Variants in IGF1 observed in about 807,000 individuals in gnomAD.
IGF1 encodes insulin like growth factor 1.
Under a neutral mutation model 13.8 loss-of-function variants are expected in IGF1, and 4 were observed. The ratio of observed to expected loss-of-function variants is 0.29; its 90% confidence interval spans 0.14 to 0.66. IGF1 has a LOEUF of 0.66. IGF1 is among the 30% of genes least tolerant of loss of function. The pLI is 0.78. For synonymous variants in IGF1, 76 were observed against 72.6 expected (o/e 1.05, Z -0.23); for missense variants, 124 against 188.5 (o/e 0.66, Z 2.00).
chr12:102,404,428 T>C (rs908373271), intron 3 of IGF1, among the ~76,000 whole-genome samples: 9 of 152,226 alleles, frequency 5.9e-5, no homozygotes, highest in African/African-American at 1.7e-4. Context: ...GTTTTCCGGT[T>C]CTACTTGGAA....
chr12:102,445,627 A>G (rs1878244253), intron 2 of IGF1, among the ~76,000 whole-genome samples: 1 of 152,218 alleles, frequency 6.6e-6, no homozygotes, highest in Non-Finnish European at 1.5e-5. Context: ...CAGCTTAAGG[A>G]GATTTGGGGC....
intron 2 of IGF1, among the ~76,000 whole-genome samples, chr12:102,471,815 C>G (rs1009123262): frequency 6.6e-6 from 1 of 152,136 alleles, no homozygotes; most frequent in Non-Finnish European, 1.5e-5. Context: ...TTAATTGAAA[C>G]CATCCAAGAT....
rs1282576962 is a variant in IGF1, at chr12:102,397,988, A to G, written c.*4519T>C. The G allele has an allele frequency of 1.3e-5, 2 of 151,736 alleles. No individual in the cohort carries two copies. The highest frequency in any genetic ancestry group is 4.8e-5 in the African/African-American group (2 of 41,320). 9.4% of individuals were successfully genotyped at this position (151,736 alleles called of 1,614,324 possible). A position where few individuals can be genotyped will look rare whatever the true frequency, so the allele number is the denominator to read the frequency against. On this transcript the variant is annotated 3_prime_UTR_variant, in exon 4 of 4. Transcript: ENST00000337514. ...TCTAGCCTATAGTTTTAAAGAGTCT[A>G]TGTGGGTTTAACTTATTATTCCTCA...
At chr12:102,469,141 C>T (rs1441133730) in intron 2 of IGF1, among the ~76,000 whole-genome samples, 1 of 152,196 alleles carries the variant, frequency 6.6e-6, no homozygotes, top group Non-Finnish European at 1.5e-5. Flanking sequence ...AGGTGGCGGT[C>T]TTGCATCCCA....
chr12:102,401,438 T>C lies in IGF1; in HGVS notation c.*1069A>G, dbSNP rs1412536926. ...AGTGGACTTTTGTGTCTGAAGTTCC[T>C]CTTGGAAGGCATAACTGGGGGGACT... is the stretch of plus-strand genomic sequence containing the variant. On this transcript the variant is annotated 3_prime_UTR_variant, in exon 4 of 4. Coordinates refer to ENST00000337514, the MANE Select transcript of IGF1 (RefSeq NM_000618.5). 6.6e-6 allele frequency: 1 copy of C among 152,662 alleles called. No individual in the cohort carries two copies. The highest frequency in any genetic ancestry group is 6.5e-5 in the Admixed American group (1 of 15,278). 9.5% of individuals were successfully genotyped at this position (152,662 alleles called of 1,614,324 possible). A position where few individuals can be genotyped will look rare whatever the true frequency, so the allele number is the denominator to read the frequency against.
rs1057235891 is a variant in IGF1 at position 102,401,918 on chromosome 12, G to A, written c.*589C>T. 6.6e-6 allele frequency: 1 copy of A among 152,642 alleles called. No individual in the cohort carries two copies. 9.5% of individuals were successfully genotyped at this position (152,642 alleles called of 1,614,324 possible). A position where few individuals can be genotyped will look rare whatever the true frequency, so the allele number is the denominator to read the frequency against. ...ACTTATATTTGGTACAAATGCCACA[G>A]ATGGAATCTTGTGGGTTAGAATTGG... On this transcript the variant is annotated 3_prime_UTR_variant, in exon 4 of 4. Transcript: ENST00000337514.
chr12:102,423,917 A>G (rs1403948862), intron 2 of IGF1, among the ~76,000 whole-genome samples: 4 of 151,942 alleles, frequency 2.6e-5, no homozygotes, highest in Non-Finnish European at 5.9e-5. Flanking sequence ...AAATGGTACT[A>G]CCTCCTCTAC....
At chr12:102,466,022 T>C (rs1341042280) in intron 2 of IGF1, among the ~76,000 whole-genome samples, 3 of 152,034 alleles carry the variant, frequency 2.0e-5, no homozygotes, top group African/African-American at 7.2e-5. Flanking sequence ...CTCCAGGTGG[T>C]CTCAATCAAA....
intron 2 of IGF1, among the ~76,000 whole-genome samples, chr12:102,475,212 A>T (rs972243445): frequency 1.3e-5 from 2 of 152,080 alleles, no homozygotes; most frequent in Non-Finnish European, 2.9e-5. Context: ...CCAGATCCAC[A>T]TGACTGGAGA....
chr12:102,445,148 T>C (rs1878204335), intron 2 of IGF1, among the ~76,000 whole-genome samples: 1 of 151,674 alleles, frequency 6.6e-6, no homozygotes, highest in Admixed American at 6.6e-5. Flanking sequence ...AGACTTGTAG[T>C]ATAGTTTGAA....
intron 2 of IGF1, among the ~76,000 whole-genome samples, chr12:102,448,691 A>T (rs1239347412): frequency 0.012 from 50 of 4,296 alleles, no homozygotes; most frequent in African/African-American, 0.029. Flanking sequence ...GAGTATAATA[A>T]AAAAAAAAAA....
At chr12:102,424,377 C>T (rs1876021821) in intron 2 of IGF1, among the ~76,000 whole-genome samples, 1 of 151,974 alleles carries the variant, frequency 6.6e-6, no homozygotes, top group Non-Finnish European at 1.5e-5. Context: ...AATGAACCTG[C>T]ATTTCACTTA....
At chr12:102,453,778 G>A (rs1390127688) in intron 2 of IGF1, among the ~76,000 whole-genome samples, 1 of 152,200 alleles carries the variant, frequency 6.6e-6, no homozygotes, top group East Asian at 1.9e-4. Flanking sequence ...CAGGTACCAT[G>A]CGTGCTTGAG....
intron 2 of IGF1, among the ~76,000 whole-genome samples, chr12:102,428,648 T>C (rs1346313178): frequency 3.3e-5 from 5 of 152,264 alleles, no homozygotes; most frequent in Admixed American, 2.6e-4. Flanking sequence ...CTAATAATCC[T>C]TGGGCATGGC....
intron 2 of IGF1, among the ~76,000 whole-genome samples, chr12:102,428,946 C>A (rs1421894321): frequency 1.3e-5 from 2 of 152,172 alleles, no homozygotes; most frequent in Non-Finnish European, 2.9e-5. Context: ...GACAGGACAT[C>A]ATCTATGCCA....
chr12:102,446,222 T>C (rs183040762), intron 2 of IGF1, among the ~76,000 whole-genome samples: 4 of 152,374 alleles, frequency 2.6e-5, no homozygotes, highest in Admixed American at 2.6e-4. Context: ...GGTGTCAGGA[T>C]GATGCTGACC....
intron 3 of IGF1, among the ~76,000 whole-genome samples, chr12:102,408,856 C>T (rs988000537): frequency 6.6e-6 from 1 of 152,214 alleles, no homozygotes; most frequent in Non-Finnish European, 1.5e-5. Flanking sequence ...CTCTCTCTCT[C>T]CTTCCCTTGG....
rs1350550461 is a variant in IGF1 at position 102,475,758 on chromosome 12, C to T, written c.105G>A (p.Leu35=). ...TGGTGAAGGTGAGCAGGCACAGCGC[C>T]AGGTAGAAGAGATGCGAGGAGGACA... is the stretch of plus-strand genomic sequence containing the variant. The part of the protein sequence containing the change: ...HTMSSSHLFY[L]ALCLLTFTSS... Residue 35 remains leucine, a synonymous_variant, in exon 2 of 4, where the codon CTG becomes CTA. Coordinates refer to ENST00000337514, the MANE Select transcript of IGF1 (RefSeq NM_000618.5). 1.9e-6 allele frequency: 3 copies of T among 1,614,046 alleles called. No homozygotes were observed. Among genetic ancestry groups the T allele is most frequent in the Non-Finnish European group, 2.5e-6 (3 of 1,180,046 alleles).
intron 2 of IGF1, among the ~76,000 whole-genome samples, chr12:102,468,896 T>G (rs1324742484): frequency 6.6e-6 from 1 of 152,156 alleles, no homozygotes; most frequent in Admixed American, 6.5e-5. Context: ...GAATCTGTGG[T>G]GTGGGCTGTA....
Sources: allele counts gnomAD v4.1 joint callset (sites outside exome capture counted in the v4.1 genomes callset), GRCh38; gene constraint gnomAD v4.1.1; transcripts MANE v1.5; gene names NCBI Gene and HGNC (gene_info 2026-07-23, HGNC 2026-07-21).